DOCK3: variants seen among roughly 807,000 people sequenced by gnomAD.
DOCK3 encodes the protein dedicator of cytokinesis protein 3.
A neutral mutation model predicts 265.6 loss-of-function variants in DOCK3; 60 were observed. The observed-to-expected ratio is 0.23, with a 90% CI of 0.18 to 0.28. DOCK3 has a LOEUF of 0.28. DOCK3 is among the 10% of genes least tolerant of loss of function. The pLI is 1.00. For synonymous variants in DOCK3, 881 were observed against 938.0 expected, an observed-to-expected ratio of 0.94 and a Z score of 1.11; for missense variants, 1,981 against 2,594.3, an observed-to-expected ratio of 0.76 and a Z score of 5.14.
At chr3:51,142,004 CTG>C (rs2085088958) in intron 9 of DOCK3, among the ~76,000 whole-genome samples, 1 of 147,220 alleles carries the variant, frequency 6.8e-6, no homozygotes, top group African/African-American at 2.5e-5. Flanking sequence ...TATTTCCTGT[CTG>C]TGATAAAACT....
At chr3:51,022,603 A>T (rs2079641378) in intron 5 of DOCK3, among the ~76,000 whole-genome samples, 1 of 152,150 alleles carries the variant, frequency 6.6e-6, no homozygotes, top group Non-Finnish European at 1.5e-5. Context: ...TTTCTTATAG[A>T]TTCTGGGTAT....
chr3:50,817,491 C>A (rs980255119), intron 2 of DOCK3, among the ~76,000 whole-genome samples: 1 of 151,800 alleles, frequency 6.6e-6, no homozygotes, highest in African/African-American at 2.4e-5. Context: ...AGACAGAGGT[C>A]CCCCTGTGTT....
intron 1 of DOCK3, among the ~76,000 whole-genome samples, chr3:50,739,501 A>G (rs1487271719): frequency 6.6e-6 from 1 of 152,046 alleles, no homozygotes; most frequent in Non-Finnish European, 1.5e-5. Context: ...CATCTGACAT[A>G]TTATTTGCCT....
chr3:51,149,899 A>T (rs1026716167), intron 10 of DOCK3, among the ~76,000 whole-genome samples: 2 of 152,192 alleles, frequency 1.3e-5, no homozygotes, highest in Non-Finnish European at 2.9e-5. Flanking sequence ...TAATTGGAAT[A>T]GTTTCAGAAG....
chr3:51,371,031 A>G (rs956274211), intron 49 of DOCK3, among the ~76,000 whole-genome samples: 2 of 152,206 alleles, frequency 1.3e-5, no homozygotes, highest in African/African-American at 2.4e-5. Flanking sequence ...GAGACCCAGG[A>G]AGAAGCCTCA....
chr3:50,903,943 T>C (rs1354202934), intron 4 of DOCK3, among the ~76,000 whole-genome samples: 1 of 151,756 alleles, frequency 6.6e-6, no homozygotes, highest in Non-Finnish European at 1.5e-5. Flanking sequence ...GGCCCCAGTG[T>C]GTGATGTTCC....
In DOCK3 at chr3:51,019,363, A is replaced by G. The variant is rs572038282; in HGVS notation, c.316-45085A>G. ...TTAAAAAGAAAATGCTTTTCTCACT[A>G]TACTGCAGTGCCACCTTTGTCATAA... On this transcript the variant is annotated intron_variant, in intron 5 of 52. Transcript: ENST00000266037. Among the ~76,000 whole-genome samples the G allele has an allele frequency of 9.2e-5, 14 of 152,044 alleles. No homozygotes were observed. The South Asian group carries it at 1.4e-3, about 16-fold the overall frequency.
At chr3:51,140,284 A>G (rs1650033083) in intron 9 of DOCK3, among the ~76,000 whole-genome samples, 2 of 152,154 alleles carry the variant, frequency 1.3e-5, no homozygotes, top group African/African-American at 4.8e-5. Context: ...CCCTAGGCAA[A>G]CACTAATCTA....
intron 23 of DOCK3, among the ~76,000 whole-genome samples, chr3:51,267,057 A>G (rs976564689): frequency 6.6e-6 from 1 of 152,218 alleles, no homozygotes; most frequent in Non-Finnish European, 1.5e-5. Context: ...GCCAACCAAC[A>G]TATGAAAAAA....
intron 5 of DOCK3, among the ~76,000 whole-genome samples, chr3:51,038,259 T>G (rs1575841500): frequency 6.6e-6 from 1 of 152,132 alleles, no homozygotes; most frequent in South Asian, 2.1e-4. Flanking sequence ...GTGGGCAGGG[T>G]TTTAGGATCT....
intron 6 of DOCK3, among the ~76,000 whole-genome samples, chr3:51,067,958 C>G: frequency 6.6e-6 from 1 of 152,318 alleles, no homozygotes; most frequent in Non-Finnish European, 1.5e-5. Flanking sequence ...TTCCACACTT[C>G]TTGTTCCACC....
intron 10 of DOCK3, among the ~76,000 whole-genome samples, chr3:51,155,795 A>G (rs560700096): frequency 6.6e-6 from 1 of 152,334 alleles, no homozygotes. Context: ...TTTCATGCTA[A>G]ACAATGGCTC....
intron 4 of DOCK3, among the ~76,000 whole-genome samples, chr3:50,893,987 G>C (rs538821395): frequency 7.5e-5 from 9 of 120,026 alleles, no homozygotes; most frequent in Admixed American, 1.9e-4. Context: ...GTGAGGGGAG[G>C]GGGGAGGGGG....
At chr3:51,364,919 T>A (rs1560510946) in intron 49 of DOCK3, among the ~76,000 whole-genome samples, 1 of 152,270 alleles carries the variant, frequency 6.6e-6, no homozygotes, top group Non-Finnish European at 1.5e-5. Context: ...GATAGTATGA[T>A]GCCTCCAGCT....
intron 3 of DOCK3, among the ~76,000 whole-genome samples, chr3:50,857,893 A>G (rs1232963315): frequency 6.6e-6 from 1 of 152,268 alleles, no homozygotes; most frequent in Non-Finnish European, 1.5e-5. Flanking sequence ...ATCTAGAACT[A>G]GAAATACCAT....
chr3:50,884,609 A>G (rs188575329), intron 3 of DOCK3, among the ~76,000 whole-genome samples: 2 of 152,068 alleles, frequency 1.3e-5, no homozygotes, highest in Non-Finnish European at 2.9e-5. Context: ...CAAAGTGACT[A>G]TGTTGTAACT....
chr3:50,836,258 C>T (rs2045503329), intron 2 of DOCK3, among the ~76,000 whole-genome samples: 1 of 152,248 alleles, frequency 6.6e-6, no homozygotes, highest in Non-Finnish European at 1.5e-5. Flanking sequence ...TTCCCTTCTG[C>T]ACTGCCCTAG....
chr3:50,988,328 A>G (rs1001035474), intron 5 of DOCK3, among the ~76,000 whole-genome samples: 1 of 152,020 alleles, frequency 6.6e-6, no homozygotes, highest in Non-Finnish European at 1.5e-5. Flanking sequence ...GTAGCTCCCA[A>G]TCAGGGACCA....
At chr3:50,845,494 T>C (rs1241068734) in intron 3 of DOCK3, among the ~76,000 whole-genome samples, 1 of 152,126 alleles carries the variant, frequency 6.6e-6, no homozygotes, top group African/African-American at 2.4e-5. Flanking sequence ...CAAGACATAT[T>C]CATGGAATAG....
Sources: gnomAD v4.1 joint callset for allele counts (sites outside exome capture counted in the v4.1 genomes callset) on GRCh38, gnomAD v4.1.1 for gene constraint, MANE v1.5 for transcripts, NCBI Gene and HGNC (gene_info 2026-07-23, HGNC 2026-07-21) for gene names.